Variants in MYO1D observed in about 807,000 individuals in gnomAD.
MYO1D encodes the protein unconventional myosin-Id.
A neutral mutation model predicts 122.0 loss-of-function variants in MYO1D; 83 were observed. The ratio of observed to expected loss-of-function variants is 0.68; its 90% CI spans 0.57 to 0.82. The LOEUF is 0.82. Ranked by LOEUF, MYO1D falls within the 40% of genes least tolerant of loss-of-function variation. The pLI is 0.00. For synonymous variants in MYO1D, 464 were observed against 446.9 expected, an observed-to-expected ratio of 1.04 and a Z score of -0.48; for missense variants, 1,157 against 1,269.5, an observed-to-expected ratio of 0.91 and a Z score of 1.35.
chr17:32,820,191 T>C (rs2090648044), intron 1 of MYO1D, among the ~76,000 whole-genome samples: 3 of 152,188 alleles, frequency 2.0e-5, no homozygotes, highest in African/African-American at 7.2e-5. Flanking sequence ...GTACAGCCAT[T>C]ATGGAAAACA....
chr17:32,558,656 T>C (rs934077769), intron 21 of MYO1D, among the ~76,000 whole-genome samples: 1 of 152,152 alleles, frequency 6.6e-6, no homozygotes, highest in Non-Finnish European at 1.5e-5. Context: ...TGAGAGGATA[T>C]AGAGGTCATT....
intron 10 of MYO1D, chr17:32,759,975 T>C (rs1266623174): frequency 1.8e-6 from 1 of 540,782 alleles, no homozygotes; most frequent in Non-Finnish European, 3.3e-6. Flanking sequence ...CAATTTAAGG[T>C]ATAACTTAAT....
intron 16 of MYO1D, among the ~76,000 whole-genome samples, chr17:32,698,757 T>C (rs1010000325): frequency 1.3e-5 from 2 of 152,158 alleles, no homozygotes; most frequent in African/African-American, 4.8e-5. Flanking sequence ...ACTATTTTCA[T>C]TATATGTTTA....
At chr17:32,867,798 C>CAAAAAAAAAAAAAAAAA (rs5820001) in intron 1 of MYO1D, among the ~76,000 whole-genome samples, 1 of 53,932 alleles carries the variant, frequency 1.9e-5, no homozygotes, top group Admixed American at 3.1e-4. Flanking sequence ...GACTCCGTCT[C>CAAAAAAAAAAAAAAAAA]AAAAAAAAAA....
At chr17:32,758,445 G>C (rs951427332) in intron 10 of MYO1D, among the ~76,000 whole-genome samples, 1 of 152,054 alleles carries the variant, frequency 6.6e-6, no homozygotes, top group African/African-American at 2.4e-5. Context: ...AATGTTTTAG[G>C]TATGATAATG....
intron 11 of MYO1D, among the ~76,000 whole-genome samples, chr17:32,749,425 T>C (rs1042154372): frequency 4.6e-5 from 7 of 152,182 alleles, no homozygotes; most frequent in African/African-American, 1.7e-4. Flanking sequence ...TCTACTATCT[T>C]ATGACACTTT....
chr17:32,857,540 G>T (rs907584939), intron 1 of MYO1D, among the ~76,000 whole-genome samples: 3 of 145,426 alleles, frequency 2.1e-5, no homozygotes, highest in Non-Finnish European at 4.5e-5. Context: ...AGCCGAGATC[G>T]CACCACTGCA....
At chr17:32,608,589 T>C (rs527323099) in intron 20 of MYO1D, among the ~76,000 whole-genome samples, 1 of 152,244 alleles carries the variant, frequency 6.6e-6, no homozygotes, top group South Asian at 2.1e-4. Context: ...GAAACAGTGG[T>C]TGTTAACTCA....
At position 32,693,577 on chromosome 17, in the gene MYO1D, T is replaced by C. The variant is rs16967552; in HGVS notation, c.2121+18411A>G. 7.4e-3 allele frequency among the ~76,000 whole-genome samples: 1,127 copies of C among 152,306 alleles called. 19 individuals are homozygous for C. The highest frequency in any genetic ancestry group is 0.026 in the African/African-American group (1,077 of 41,546). ...TTCTTTTAAGTAAACCTCAAGCATA[T>C]GTACATCTCTTGGCATAATTATATT... On this transcript the variant is annotated intron_variant, in intron 16 of 21. Transcript: ENST00000318217.
intron 19 of MYO1D, among the ~76,000 whole-genome samples, chr17:32,647,754 A>T (rs2088317631): frequency 6.8e-6 from 1 of 148,112 alleles, no homozygotes; most frequent in Non-Finnish European, 1.5e-5. Context: ...TGATAGTCTG[A>T]TCGACTCTAG....
chr17:32,624,132 T>C lies in MYO1D; in HGVS notation c.2709+14590A>G, dbSNP rs184273834. Among the ~76,000 whole-genome samples, 683 of 152,182 alleles carry C rather than the reference T, an allele frequency of 4.5e-3. 1 individual carries two copies. The highest frequency in any genetic ancestry group is 8.2e-3 in the Admixed American group (125 of 15,278). ...GCCAAAACAACAAAAGTGAAAAAAT[T>C]TGGGGAACAGAATAGATAAGTGGTT... On this transcript the variant is annotated intron_variant, in intron 20 of 21. Coordinates refer to ENST00000318217, the MANE Select transcript of MYO1D (RefSeq NM_015194.3).
chr17:32,748,930 A>G lies in MYO1D; in HGVS notation c.1538+6T>C, dbSNP rs773010901. 6.2e-7 allele frequency: 1 copy of G among 1,610,796 alleles called. No individual in the cohort carries two copies. Among genetic ancestry groups the G allele is most frequent in the Non-Finnish European group, 8.5e-7 (1 of 1,177,080 alleles). Reference sequence around the variant, plus strand: ...ATCATGGTAGGTACCAAGGTAAGATACTCACACTACATCGCCTGCATAATG... The same window carrying G: ...ATCATGGTAGGTACCAAGGTAAGATGCTCACACTACATCGCCTGCATAATG... On this transcript the variant is annotated splice_donor_region_variant and intron_variant, in intron 12 of 21. Transcript: ENST00000318217.
At chr17:32,813,491 T>C (rs918796077) in intron 1 of MYO1D, among the ~76,000 whole-genome samples, 10 of 151,492 alleles carry the variant, frequency 6.6e-5, no homozygotes, top group Admixed American at 5.9e-4. Flanking sequence ...GGCGATGGGG[T>C]GGAGGAGGAG....
At chr17:32,864,072 G>GA (rs200119938) in intron 1 of MYO1D, among the ~76,000 whole-genome samples, 23 of 105,122 alleles carry the variant, frequency 2.2e-4, no homozygotes, top group East Asian at 3.2e-4. Context: ...AAGCCTTCTG[G>GA]AAAAAAAATC....
intron 10 of MYO1D, chr17:32,759,903 T>C (rs557745664): frequency 2.7e-5 from 14 of 522,168 alleles, no homozygotes; most frequent in Admixed American, 2.1e-4. Flanking sequence ...GTCTACAAAG[T>C]AGAAGAGGAG....
chr17:32,872,362 T>A (rs2091187509), intron 1 of MYO1D, among the ~76,000 whole-genome samples: 2 of 151,976 alleles, frequency 1.3e-5, no homozygotes, highest in Admixed American at 1.3e-4. Flanking sequence ...CAGCTCCACC[T>A]CCCAGGTTCA....
intron 21 of MYO1D, among the ~76,000 whole-genome samples, chr17:32,571,103 G>A (rs1277161047): frequency 6.6e-6 from 1 of 152,134 alleles, no homozygotes; most frequent in East Asian, 1.9e-4. Flanking sequence ...AGGGCCCTTG[G>A]AAGAGAGACC....
chr17:32,647,375 A>AT (rs1332092813), intron 19 of MYO1D, among the ~76,000 whole-genome samples: 1 of 152,198 alleles, frequency 6.6e-6, no homozygotes, highest in Admixed American at 6.5e-5. Flanking sequence ...AACAAAGAGT[A>AT]TTTTGCTTTG....
chr17:32,635,828 A>G lies in MYO1D; in HGVS notation c.2709+2894T>C, dbSNP rs1023104178. 5.3e-5 allele frequency among the ~76,000 whole-genome samples: 8 copies of G among 152,188 alleles called. No individual in the cohort carries two copies. The East Asian group carries it at 1.3e-3, about 26-fold the overall frequency. On this transcript the variant is annotated intron_variant, in intron 20 of 21. Transcript: ENST00000318217. ...GAAATGAAAGGTGGAGAATGAGAGA[A>G]GTATGGATGCCCTTAGCTATGCCCT...
Sources: allele counts gnomAD v4.1 joint callset (sites outside exome capture counted in the v4.1 genomes callset), GRCh38; gene constraint gnomAD v4.1.1; transcripts MANE v1.5; gene names NCBI Gene and HGNC (gene_info 2026-07-23, HGNC 2026-07-21).